The following ST3GAL6 variants were observed in gnomAD, a reference collection of about 807,000 sequenced individuals.
The protein encoded by ST3GAL6 is type 2 lactosamine alpha-2,3-sialyltransferase.
A neutral mutation model predicts 40.5 loss-of-function variants in ST3GAL6; 31 were observed. The observed-to-expected ratio is 0.77, with a 90% confidence interval of 0.58 to 1.03. The LOEUF (loss-of-function observed/expected upper bound fraction) is 1.03, where lower values mean the gene tolerates loss of function less well. Among genes scored for constraint, ST3GAL6 ranks in the 50% least tolerant of loss-of-function variants. The pLI, the probability that ST3GAL6 is intolerant of heterozygous loss-of-function variation, is 0.00. For synonymous variants in ST3GAL6, 129 were observed against 136.9 expected (o/e 0.94, Z 0.40); for missense variants, 357 against 393.2 (o/e 0.91, Z 0.78).
intron 1 of ST3GAL6, chr3:98,732,877 C>G (rs768273522): frequency 2.0e-6 from 3 of 1,512,824 alleles, no homozygotes; most frequent in South Asian, 2.4e-5. Flanking sequence ...TGGCAGGCGC[C>G]GCGAGAGAGG....
At chr3:98,750,275 T>G (rs546892347) in intron 1 of ST3GAL6, among the ~76,000 whole-genome samples, 3 of 152,242 alleles carry the variant, frequency 2.0e-5, no homozygotes, top group Non-Finnish European at 4.4e-5. Context: ...TTTAGAATTG[T>G]GCAAAATTAA....
At chr3:98,748,767 G>A (rs1936756849) in intron 1 of ST3GAL6, among the ~76,000 whole-genome samples, 1 of 152,126 alleles carries the variant, frequency 6.6e-6, no homozygotes, top group African/African-American at 2.4e-5. Context: ...CGCCTGGCCT[G>A]CGCTATTATT....
intron 5 of ST3GAL6, chr3:98,784,648 T>C (rs980839972): frequency 3.7e-6 from 1 of 269,724 alleles, no homozygotes; most frequent in Admixed American, 4.8e-5. Context: ...TCTTTCTTCA[T>C]TTGTATACTG....
intron 5 of ST3GAL6, among the ~76,000 whole-genome samples, chr3:98,775,703 G>C (rs76210043): frequency 0.023 from 3,568 of 152,198 alleles, 134 homozygotes; most frequent in African/African-American, 0.082. Flanking sequence ...GCCTCCATCA[G>C]GCTAATTTTT....
rs1941523579 is a variant in ST3GAL6, at chr3:98,795,375, CAGT to C, written c.*1621_*1623del. ...TTATAAAGCAGAATAAAGGGGAGAA[CAGT>C]AGTAGTTGATCTAACCCAGATTAGA... On this transcript the variant is annotated 3_prime_UTR_variant, in exon 10 of 10. Transcript: ENST00000483910. The C allele has an allele frequency of 6.6e-6, 1 of 152,124 alleles. No homozygotes were observed. The highest frequency in any genetic ancestry group is 2.4e-5 in the African/African-American group (1 of 41,428). 9.4% of individuals were successfully genotyped at this position (152,124 alleles called of 1,614,324 possible). A position where few individuals can be genotyped will look rare whatever the true frequency, so the allele number is the denominator to read the frequency against.
At chr3:98,758,527 G>T (rs1461124161), upstream of ST3GAL6, among the ~76,000 whole-genome samples, 2 of 152,022 alleles carry the variant, frequency 1.3e-5, no homozygotes, top group Non-Finnish European at 2.9e-5. Flanking sequence ...CCAGAAATAG[G>T]GTCTAATTCT....
intron 2 of ST3GAL6, among the ~76,000 whole-genome samples, 186 bp downstream of exon 2, chr3:98,768,715 G>GACAAGC (rs1437890641): frequency 1.3e-5 from 2 of 152,086 alleles, no homozygotes; most frequent in Non-Finnish European, 2.9e-5. Flanking sequence ...TTTAAAAGTT[G>GACAAGC]ACAAGCAACA....
intron 1 of ST3GAL6, among the ~76,000 whole-genome samples, chr3:98,745,511 C>T (rs1206315181): frequency 6.6e-6 from 1 of 152,158 alleles, no homozygotes; most frequent in Non-Finnish European, 1.5e-5. Flanking sequence ...ACAGACTGTC[C>T]TTTGGTCTTT....
chr3:98,784,902 G>A (rs568313267), intron 5 of ST3GAL6, 43 bp from the exon 6 acceptor site: 1 of 1,486,830 alleles, frequency 6.7e-7, no homozygotes, highest in Non-Finnish European at 9.3e-7. Context: ...AATCAGTTTT[G>A]TAAAAGATGG....
At chr3:98,733,634 T>TAAGGGA in intron 1 of ST3GAL6, 1 of 984,002 alleles carries the variant, frequency 1.0e-6, no homozygotes, top group Non-Finnish European at 1.2e-6. Context: ...ATTTTCAAGA[T>TAAGGGA]AAGGGAGAAG....
chr3:98,770,171 T>C (rs1308556506), intron 2 of ST3GAL6, among the ~76,000 whole-genome samples: 3 of 152,244 alleles, frequency 2.0e-5, no homozygotes, highest in African/African-American at 7.2e-5. Flanking sequence ...ACATAACTGA[T>C]GATCATTAAT....
chr3:98,785,916 A>T (rs766766221), intron 6 of ST3GAL6, among the ~76,000 whole-genome samples: 10 of 152,138 alleles, frequency 6.6e-5, no homozygotes, highest in Non-Finnish European at 1.3e-4. Flanking sequence ...TTAGACATAG[A>T]GTTATCGGGA....
chr3:98,732,888 C>A (rs1256383616), intron 1 of ST3GAL6: 1 of 1,510,196 alleles, frequency 6.6e-7, no homozygotes, highest in South Asian at 1.2e-5. Context: ...GCGAGAGAGG[C>A]AGCAGCCGGC....
chr3:98,771,378 A>G (rs952329926), intron 3 of ST3GAL6, among the ~76,000 whole-genome samples: 11 of 152,194 alleles, frequency 7.2e-5, no homozygotes, highest in Non-Finnish European at 1.2e-4. Flanking sequence ...AATGAACTAC[A>G]TAGAATGCAA....
At chr3:98,788,302 A>T (rs764202625) in intron 7 of ST3GAL6, 24 bp from the exon 8 acceptor site, 1 of 1,600,620 alleles carries the variant, frequency 6.2e-7, no homozygotes, top group African/African-American at 1.3e-5. Flanking sequence ...ACACTGTTCT[A>T]TTCTCTATAT....
chr3:98,746,742 A>G (rs1936587571), intron 1 of ST3GAL6, among the ~76,000 whole-genome samples: 1 of 151,978 alleles, frequency 6.6e-6, no homozygotes, highest in Non-Finnish European at 1.5e-5. Flanking sequence ...TAATTTCCTT[A>G]TTGTTACATA....
At position 98,773,945 on chromosome 3, in the gene ST3GAL6, A is replaced by G. The variant is rs758979429; in HGVS notation, c.297A>G (p.Ser99=). 4.3e-6 allele frequency: 7 copies of G among 1,613,618 alleles called. No individual in the cohort carries two copies. In the Middle Eastern group the frequency reaches 5.0e-4, roughly 114 times the overall value. ...TSAEYFRLAL[S]KLQSCDLFDE... is the part of the protein sequence containing the mutation. ...CGGAATATTTTCGACTTGCTCTTTC[A>G]AAACTGCAGAGTTGTGATCTCTTTG... Residue 99 remains serine (S), a synonymous_variant, in exon 5 of 10, where the codon TCA becomes TCG. Coordinates refer to ENST00000483910, the MANE Select transcript of ST3GAL6 (RefSeq NM_001323368.2).
At chr3:98,741,475 A>G (rs1013398584) in intron 1 of ST3GAL6, among the ~76,000 whole-genome samples, 7 of 152,112 alleles carry the variant, frequency 4.6e-5, no homozygotes, top group African/African-American at 9.7e-5. Flanking sequence ...CAGGAACAGT[A>G]TGACCAAAGG....
chr3:98,788,394 A>G lies in ST3GAL6; in HGVS notation c.687A>G (p.Leu229=). The G allele has an allele frequency of 1.2e-6, 2 of 1,612,968 alleles. No individual in the cohort carries two copies. The highest frequency in any genetic ancestry group is 1.7e-6 in the Non-Finnish European group (2 of 1,179,638). The part of the protein sequence containing the change: ...LIYKPYQIRI[L]DPFIIRTAAY... ...ATAAACCTTATCAAATCCGAATATT[A>G]GATCCTTTCATTATCAGAACAGCAG... Residue 229 remains leucine (L), a synonymous_variant, in exon 8 of 10, where the codon TTA becomes TTG. Coordinates refer to ENST00000483910, the MANE Select transcript of ST3GAL6 (RefSeq NM_001323368.2).
Sources: gnomAD v4.1 joint callset for allele counts (sites outside exome capture counted in the v4.1 genomes callset) on GRCh38, gnomAD v4.1.1 for gene constraint, MANE v1.5 for transcripts, NCBI Gene and HGNC (gene_info 2026-07-23, HGNC 2026-07-21) for gene names.